Variants in EFL1 observed in about 807,000 individuals in gnomAD.
The protein encoded by EFL1 is elongation factor-like GTPase 1.
Under a neutral mutation model 126.7 loss-of-function variants are expected in EFL1, and 76 were observed. That is an observed-to-expected ratio of 0.60 (90% CI 0.50 to 0.73). The LOEUF is 0.73. EFL1 is among the 30% of genes least tolerant of loss of function. EFL1 has a pLI of 0.00. For missense variants in EFL1, 1,128 were observed against 1,343.2 expected (o/e 0.84, Z 2.50); for synonymous variants, 410 against 448.4 (o/e 0.91, Z 1.08).
chr15:82,175,616 G>A (rs1026058190), intron 15 of EFL1, among the ~76,000 whole-genome samples: 1 of 152,062 alleles, frequency 6.6e-6, no homozygotes, highest in African/African-American at 2.4e-5. Flanking sequence ...AGTGGCTCAC[G>A]CATGTAATCC....
chr15:82,158,248 AG>A (rs1388231221), intron 16 of EFL1, among the ~76,000 whole-genome samples: 4 of 152,242 alleles, frequency 2.6e-5, no homozygotes, highest in Non-Finnish European at 4.4e-5. Context: ...AATAAGCAAA[AG>A]AAACATTTAA....
intron 3 of EFL1, among the ~76,000 whole-genome samples, chr15:82,257,918 T>A (rs147997903): frequency 6.8e-4 from 104 of 152,370 alleles, no homozygotes; most frequent in African/African-American, 2.4e-3. Context: ...TTCAGTTTTG[T>A]ACTTTCTCTA....
At chr15:82,254,323 G>A (rs190580490) in intron 3 of EFL1, among the ~76,000 whole-genome samples, 8 of 152,168 alleles carry the variant, frequency 5.3e-5, no homozygotes, top group Non-Finnish European at 8.8e-5. Flanking sequence ...CAACCTCTCA[G>A]TCAGTCCTTC....
chr15:82,137,019 AT>A (rs35359986), intron 19 of EFL1, among the ~76,000 whole-genome samples: 24,018 of 145,956 alleles, frequency 0.16, 3,654 homozygotes, highest in African/African-American at 0.41. Context: ...TAAGAATGTG[AT>A]TTTTTTTTTT....
chr15:82,151,904 A>G lies in EFL1; in HGVS notation c.2550T>C (p.Gly850=). 6.2e-7 allele frequency: 1 copy of G among 1,614,084 alleles called. No individual in the cohort carries two copies. Reference sequence around the variant, plus strand: ...CTTCTTTTGAAGCTTTGTCAGCTGGACCTGTCCATACTGAGTTCTGAAAAT... The same window carrying G: ...CTTCTTTTGAAGCTTTGTCAGCTGGGCCTGTCCATACTGAGTTCTGAAAAT... ...SEDFQNSVWT[G]PADKASKEAS... The change falls in exon 18 of 20, where the codon GGT becomes GGC. Residue 850 remains glycine (G), a synonymous_variant. Transcript: ENST00000268206.
Position 82,138,863 on chromosome 15 carries a change from T to A in EFL1, c.2990-21A>T, listed in dbSNP as rs545846724. 32 of 1,606,146 alleles carry A rather than the reference T, an allele frequency of 2.0e-5. No homozygotes were observed. In the East Asian group the frequency reaches 6.7e-4, roughly 34 times the overall value. The stretch of plus-strand genomic sequence containing the variant: ...TCGACCTGTAAAACCATAAATCTTT[T>A]AAAATCATGGATCAATCATATGGCT... On this transcript the variant is annotated intron_variant, in intron 18 of 19. Coordinates refer to ENST00000268206, the MANE Select transcript of EFL1 (RefSeq NM_024580.6).
At chr15:82,156,766 A>G (rs2073972838) in intron 17 of EFL1, among the ~76,000 whole-genome samples, 1 of 152,230 alleles carries the variant, frequency 6.6e-6, no homozygotes, top group South Asian at 2.1e-4. Context: ...TTATAGTCCC[A>G]GAAATTTTAA....
chr15:82,226,137 G>C (rs1391404338), intron 11 of EFL1, among the ~76,000 whole-genome samples: 1 of 151,814 alleles, frequency 6.6e-6, no homozygotes, highest in Non-Finnish European at 1.5e-5. Context: ...GCAGAAGCAG[G>C]GATACTAGTT....
chr15:82,226,316 G>A (rs2074763619), intron 11 of EFL1, among the ~76,000 whole-genome samples: 1 of 152,122 alleles, frequency 6.6e-6, no homozygotes, highest in Non-Finnish European at 1.5e-5. Flanking sequence ...CTACAAGCGT[G>A]TACCACCACG....
intron 11 of EFL1, 98 bp from the exon 12 acceptor site, chr15:82,225,362 T>C (rs2074752542): frequency 2.2e-6 from 2 of 904,924 alleles, no homozygotes; most frequent in Admixed American, 3.5e-5. Flanking sequence ...AGAACATGGA[T>C]GGCATCATCA....
intron 15 of EFL1, among the ~76,000 whole-genome samples, chr15:82,203,518 G>A (rs1267120370): frequency 6.6e-6 from 1 of 152,066 alleles, no homozygotes; most frequent in Admixed American, 6.6e-5. Flanking sequence ...GGGATTATAG[G>A]TGCCCACCAC....
rs767219225 is a variant in EFL1, at chr15:82,152,437, C to T, written c.2031-14G>A. ...ATCTTTGCAAACCTACAGACAAATT[C>T]AAGAGAAATAACAGAAGGTTAAAAT... On this transcript the variant is annotated splice_polypyrimidine_tract_variant and intron_variant, in intron 17 of 19. Coordinates refer to ENST00000268206, the MANE Select transcript of EFL1 (RefSeq NM_024580.6). The T allele has an allele frequency of 1.9e-6, 3 of 1,580,476 alleles. No homozygotes were observed. Among genetic ancestry groups the T allele is most frequent in the Admixed American group, 3.6e-5 (2 of 55,650 alleles).
chr15:82,199,031 A>G (rs1430464001), intron 15 of EFL1, among the ~76,000 whole-genome samples: 1 of 151,992 alleles, frequency 6.6e-6, no homozygotes, highest in African/African-American at 2.4e-5. Context: ...CACTGCATTA[A>G]AAAAAAACAA....
At chr15:82,229,993 C>A (rs1367304554) in intron 8 of EFL1, among the ~76,000 whole-genome samples, 1 of 152,140 alleles carries the variant, frequency 6.6e-6, no homozygotes, top group Non-Finnish European at 1.5e-5. Flanking sequence ...AACACAGAGT[C>A]AACTCTCAAG....
chr15:82,205,460 T>C (rs1384478877), intron 15 of EFL1, among the ~76,000 whole-genome samples: 2 of 152,118 alleles, frequency 1.3e-5, no homozygotes, highest in Admixed American at 1.3e-4. Flanking sequence ...CCATTTAAGT[T>C]TTTCATTGCA....
chr15:82,192,981 G>A (rs1323281716), intron 15 of EFL1, among the ~76,000 whole-genome samples: 1 of 152,220 alleles, frequency 6.6e-6, no homozygotes, highest in Non-Finnish European at 1.5e-5. Flanking sequence ...TGGTGGCAAA[G>A]ATGAGGAGAC....
chr15:82,134,134 GAC>G (rs1017052252), intron 19 of EFL1, among the ~76,000 whole-genome samples: 43 of 152,322 alleles, frequency 2.8e-4, no homozygotes, highest in African/African-American at 1.0e-3. Context: ...ACTGTATGAA[GAC>G]ATCTTCACTA....
At chr15:82,196,631 G>A (rs1391167946) in intron 15 of EFL1, among the ~76,000 whole-genome samples, 1 of 152,174 alleles carries the variant, frequency 6.6e-6, no homozygotes, top group Non-Finnish European at 1.5e-5. Flanking sequence ...TTGTTTCAAG[G>A]CTTAAGTAAG....
At chr15:82,235,470 C>T (rs919448425) in intron 7 of EFL1, among the ~76,000 whole-genome samples, 4 of 151,972 alleles carry the variant, frequency 2.6e-5, no homozygotes, top group African/African-American at 4.8e-5. Context: ...TTTGAATTTA[C>T]TCAAGAATAA....
Sources: gnomAD v4.1 joint callset for allele counts (sites outside exome capture counted in the v4.1 genomes callset) on GRCh38, gnomAD v4.1.1 for gene constraint, MANE v1.5 for transcripts, NCBI Gene and HGNC (gene_info 2026-07-23, HGNC 2026-07-21) for gene names.